Variants in RBFOX2 observed in about 807,000 individuals in gnomAD.
The protein encoded by RBFOX2 is RNA binding protein fox-1 homolog 2.
A neutral mutation model predicts 49.1 loss-of-function variants in RBFOX2; 10 were observed. The observed-to-expected ratio is 0.20, with a 90% CI of 0.13 to 0.35. The LOEUF (loss-of-function observed/expected upper bound fraction) is 0.35. RBFOX2 is among the 10% of genes least tolerant of loss of function. The pLI, the probability that RBFOX2 is intolerant of heterozygous loss-of-function variation, is 1.00. For synonymous variants in RBFOX2, 183 were observed against 187.4 expected, an observed-to-expected ratio of 0.98 and a Z score of 0.19; for missense variants, 323 against 486.9, an observed-to-expected ratio of 0.66 and a Z score of 3.17.
intron 1 of RBFOX2, among the ~76,000 whole-genome samples, chr22:35,985,750 T>C (rs1431545732): frequency 6.6e-6 from 1 of 151,664 alleles, no homozygotes; most frequent in Non-Finnish European, 1.5e-5. Flanking sequence ...GACAACGGGG[T>C]CAAAGAATAG....
chr22:35,907,370 T>C lies in RBFOX2; in HGVS notation c.-34+31477A>G, dbSNP rs575791182. On this transcript the variant is annotated intron_variant, in intron 1 of 13. Coordinates refer to the RBFOX2 transcript ENST00000359369. ...GGAGGGGACACCCCTCTTTTCTTCC[T>C]CTCAAACTGCTTTGTGGAAAGGGGG... is the stretch of plus-strand genomic sequence containing the variant. 5.3e-5 allele frequency among the ~76,000 whole-genome samples: 8 copies of C among 152,318 alleles called. 1 individual carries two copies. In the East Asian group the frequency reaches 1.2e-3, roughly 22 times the overall value.
At chr22:35,848,473 A>G (rs181985138) in intron 1 of RBFOX2, among the ~76,000 whole-genome samples, 7 of 152,348 alleles carry the variant, frequency 4.6e-5, no homozygotes, top group Non-Finnish European at 8.8e-5. Flanking sequence ...CCACTGCCAT[A>G]TGATTGCAAT....
intron 1 of RBFOX2, among the ~76,000 whole-genome samples, chr22:35,860,816 A>G (rs1350410154): frequency 6.6e-6 from 1 of 152,210 alleles, no homozygotes; most frequent in Non-Finnish European, 1.5e-5. Context: ...CTGACTATCA[A>G]CACAGTATAT....
At chr22:35,874,158 C>T (rs569584223) in intron 1 of RBFOX2, among the ~76,000 whole-genome samples, 10 of 152,346 alleles carry the variant, frequency 6.6e-5, no homozygotes, top group Non-Finnish European at 1.3e-4. Flanking sequence ...TCACTAGTCT[C>T]CTCACAATTC....
At chr22:35,808,837 A>G (rs1462870694) in intron 2 of RBFOX2, among the ~76,000 whole-genome samples, 2 of 152,172 alleles carry the variant, frequency 1.3e-5, no homozygotes, top group Non-Finnish European at 2.9e-5. Flanking sequence ...TGGACAACAA[A>G]GCAAGAGACA....
intron 1 of RBFOX2, among the ~76,000 whole-genome samples, chr22:35,849,270 AAAACACACACACACACATACACACAC>A (rs1245199333): frequency 6.9e-6 from 1 of 144,744 alleles, no homozygotes; most frequent in African/African-American, 2.7e-5. Flanking sequence ...CACCTGGTTC[AAAACACACACACACACATACACACAC>A]AAACACACAC....
chr22:35,994,429 A>T (rs2058105829), intron 1 of RBFOX2: 1 of 143,358 alleles, frequency 7.0e-6, no homozygotes. Context: ...TTTTTGAGAT[A>T]GGGTCTCACT....
chr22:35,801,281 G>A (rs1052853655), intron 2 of RBFOX2, among the ~76,000 whole-genome samples: 19 of 152,114 alleles, frequency 1.2e-4, no homozygotes, highest in African/African-American at 4.1e-4. Flanking sequence ...CTAGACCATT[G>A]TTTTTAATTG....
At chr22:36,020,877 G>A (rs141617647) in intron 1 of RBFOX2, among the ~76,000 whole-genome samples, 49 of 152,202 alleles carry the variant, frequency 3.2e-4, no homozygotes, top group African/African-American at 1.1e-3. Flanking sequence ...ACCATTTGAC[G>A]CAGCCATCCC....
chr22:36,023,577 C>T (rs1002253357), intron 1 of RBFOX2, among the ~76,000 whole-genome samples: 13 of 152,144 alleles, frequency 8.5e-5, no homozygotes, highest in African/African-American at 3.1e-4. Flanking sequence ...TTGTATAGAG[C>T]GTAAATTTCA....
At chr22:36,024,945 T>C (rs1315156160) in intron 1 of RBFOX2, among the ~76,000 whole-genome samples, 2 of 151,764 alleles carry the variant, frequency 1.3e-5, no homozygotes, top group Non-Finnish European at 2.9e-5. Flanking sequence ...GTAGCTGGGA[T>C]TACAGGCGCC....
chr22:35,889,189 T>A (rs1445945911), intron 1 of RBFOX2, among the ~76,000 whole-genome samples: 5 of 151,938 alleles, frequency 3.3e-5, no homozygotes, highest in Non-Finnish European at 7.4e-5. Context: ...AATTCATTCT[T>A]CTCCAGGCAT....
intron 2 of RBFOX2, among the ~76,000 whole-genome samples, chr22:35,802,790 C>A (rs1950018952): frequency 6.6e-6 from 1 of 152,048 alleles, no homozygotes; most frequent in Non-Finnish European, 1.5e-5. Flanking sequence ...CACAAAAGGG[C>A]CAGATATGGT....
chr22:35,782,620 C>A (rs1945434142), intron 2 of RBFOX2, among the ~76,000 whole-genome samples: 1 of 152,152 alleles, frequency 6.6e-6, no homozygotes, highest in Non-Finnish European at 1.5e-5. Flanking sequence ...CGTGCCTGGC[C>A]AAGAAGCTTC....
At chr22:35,992,086 A>T (rs1043142382) in intron 1 of RBFOX2, among the ~76,000 whole-genome samples, 2 of 152,154 alleles carry the variant, frequency 1.3e-5, no homozygotes, top group Non-Finnish European at 2.9e-5. Context: ...AGCAAAGTCA[A>T]TAGGACTCTA....
intron 1 of RBFOX2, among the ~76,000 whole-genome samples, chr22:35,951,056 C>CCATT (rs2054862173): frequency 6.6e-6 from 1 of 150,714 alleles, no homozygotes; most frequent in Admixed American, 6.6e-5. Context: ...CGGGTTCATG[C>CCATT]CATTCTCCTG....
intron 1 of RBFOX2, 145 bp downstream of exon 1, chr22:36,028,095 C>A: frequency 2.4e-6 from 3 of 1,274,568 alleles, no homozygotes; most frequent in Non-Finnish European, 3.0e-6. Flanking sequence ...GCTCGCCCCA[C>A]CTTCCAACCA....
chr22:35,903,804 C>G (rs1475842253), intron 1 of RBFOX2, among the ~76,000 whole-genome samples: 2 of 152,156 alleles, frequency 1.3e-5, no homozygotes, highest in African/African-American at 4.8e-5. Context: ...CCACCATCAT[C>G]TCTTTCCTGA....
At chr22:35,937,484 G>T (rs1267620903) in intron 1 of RBFOX2, among the ~76,000 whole-genome samples, 2 of 152,184 alleles carry the variant, frequency 1.3e-5, no homozygotes, top group Non-Finnish European at 2.9e-5. Flanking sequence ...AGCACCAAAA[G>T]TGCAAGAATT....
Sources: allele counts gnomAD v4.1 joint callset (sites outside exome capture counted in the v4.1 genomes callset), GRCh38; gene constraint gnomAD v4.1.1; transcripts MANE v1.5; gene names NCBI Gene and HGNC (gene_info 2026-07-23, HGNC 2026-07-21).